STK32A: variants seen among roughly 807,000 people sequenced by gnomAD.
STK32A encodes the protein serine/threonine-protein kinase 32A.
A neutral mutation model predicts 53.2 loss-of-function variants in STK32A; 41 were observed. That is an observed-to-expected ratio of 0.77 (90% CI 0.60 to 1.00). The LOEUF is 1.00. Among genes scored for constraint, STK32A ranks in the 50% least tolerant of loss-of-function variants. STK32A has a pLI of 0.00. For missense variants in STK32A, 458 were observed against 485.8 expected (o/e 0.94, Z 0.54); for synonymous variants, 166 against 162.8 (o/e 1.02, Z -0.15).
chr5:147,337,771 C>T (rs543685893), intron 5 of STK32A, among the ~76,000 whole-genome samples: 2 of 151,950 alleles, frequency 1.3e-5, no homozygotes, highest in Admixed American at 6.6e-5. Flanking sequence ...GAACTATGGG[C>T]AGGAATTGAG....
chr5:147,250,114 G>A (rs1375677524), intron 2 of STK32A, among the ~76,000 whole-genome samples: 1 of 152,028 alleles, frequency 6.6e-6, no homozygotes, highest in Non-Finnish European at 1.5e-5. Context: ...CTAGGTTTTT[G>A]CTTGAGTAGT....
intron 11 of STK32A, among the ~76,000 whole-genome samples, chr5:147,381,665 G>C (rs1206047712): frequency 6.6e-6 from 1 of 151,188 alleles, no homozygotes; most frequent in Admixed American, 6.6e-5. Context: ...AGGAAAGTTT[G>C]ATTATATTAT....
the STK32A span, among the ~76,000 whole-genome samples, chr5:147,398,407 T>C: frequency 6.6e-6 from 1 of 152,200 alleles, no homozygotes; most frequent in Admixed American, 6.5e-5. Context: ...AATTATTTAA[T>C]TTTTCTGTAC....
rs77132085 is a variant in STK32A at position 147,247,948 on chromosome 5, C to T, written c.52+8262C>T. ...ACCAGCCTGACCAACATGGAGAAACCCTGTCTATATTAAAAATACAAAATT... is the reference window on the plus strand; with the variant it reads ...ACCAGCCTGACCAACATGGAGAAACTCTGTCTATATTAAAAATACAAAATT... On this transcript the variant is annotated intron_variant, in intron 2 of 12. Coordinates refer to ENST00000397936, the MANE Select transcript of STK32A (RefSeq NM_001112724.2). 9.9e-5 allele frequency among the ~76,000 whole-genome samples: 15 copies of T among 151,902 alleles called. No individual in the cohort carries two copies. The East Asian group carries it at 2.5e-3, about 26-fold the overall frequency.
chr5:147,332,475 T>C (rs1250156281), intron 5 of STK32A, among the ~76,000 whole-genome samples: 1 of 152,148 alleles, frequency 6.6e-6, no homozygotes, highest in Non-Finnish European at 1.5e-5. Flanking sequence ...ATTTAAAGTC[T>C]AAAAATTATC....
intron 5 of STK32A, among the ~76,000 whole-genome samples, chr5:147,335,910 T>A (rs1347583469): frequency 6.6e-6 from 1 of 152,200 alleles, no homozygotes; most frequent in African/African-American, 2.4e-5. Flanking sequence ...ATTAAGAGAA[T>A]GAAGAATGCG....
At chr5:147,283,763 A>T (rs925581140) in intron 4 of STK32A, among the ~76,000 whole-genome samples, 6 of 152,166 alleles carry the variant, frequency 3.9e-5, no homozygotes, top group African/African-American at 1.4e-4. Flanking sequence ...AATACCCTGA[A>T]CAGATCAATA....
chr5:147,284,666 CA>C (rs71001429), intron 4 of STK32A, among the ~76,000 whole-genome samples: 96,494 of 140,836 alleles, frequency 0.69, 32,206 homozygotes, highest in Admixed American at 0.78. Flanking sequence ...ACAATAGCTG[CA>C]AAAAAAAACA....
At chr5:147,390,654 A>G (rs959804013), downstream of STK32A, among the ~76,000 whole-genome samples, 1 of 152,106 alleles carries the variant, frequency 6.6e-6, no homozygotes, top group Middle Eastern at 3.2e-3. Context: ...TAACAACTCA[A>G]TTTCAAAAAT....
intron 8 of STK32A, among the ~76,000 whole-genome samples, chr5:147,368,358 T>A (rs1031361038): frequency 3.9e-5 from 6 of 152,240 alleles, no homozygotes; most frequent in Non-Finnish European, 7.3e-5. Context: ...ATATGCTCAC[T>A]GTTAGTTTAG....
intron 5 of STK32A, among the ~76,000 whole-genome samples, chr5:147,330,295 A>T (rs1161986521): frequency 6.6e-6 from 1 of 152,204 alleles, no homozygotes; most frequent in African/African-American, 2.4e-5. Flanking sequence ...CTTTAAATTT[A>T]ACAAGGAGAA....
chr5:147,306,130 T>G (rs1230479406), intron 4 of STK32A, among the ~76,000 whole-genome samples: 1 of 152,050 alleles, frequency 6.6e-6, no homozygotes, highest in Non-Finnish European at 1.5e-5. Context: ...TATCAGTTTA[T>G]TTAACTCTGG....
chr5:147,349,723 G>A (rs1024408731), intron 6 of STK32A, among the ~76,000 whole-genome samples: 1 of 152,030 alleles, frequency 6.6e-6, no homozygotes. Flanking sequence ...CTTGGAAAAG[G>A]ACTTAGAGTC....
chr5:147,328,237 G>A (rs1408862206), intron 5 of STK32A, among the ~76,000 whole-genome samples: 1 of 151,896 alleles, frequency 6.6e-6, no homozygotes, highest in African/African-American at 2.4e-5. Flanking sequence ...ATAGAAGGGG[G>A]TCTTTTTAAA....
At chr5:147,309,649 A>T (rs1561709659) in intron 4 of STK32A, among the ~76,000 whole-genome samples, 1 of 152,238 alleles carries the variant, frequency 6.6e-6, no homozygotes, top group Non-Finnish European at 1.5e-5. Flanking sequence ...TCTTGGGGAA[A>T]CTTAAAGAAT....
chr5:147,383,266 C>T (rs1757522827), intron 11 of STK32A, 175 bp from the exon 12 acceptor site: 3 of 630,702 alleles, frequency 4.8e-6, no homozygotes, highest in East Asian at 3.1e-5. Flanking sequence ...CCTGGTGCTT[C>T]CTGTTTTGCC....
intron 1 of STK32A, among the ~76,000 whole-genome samples, chr5:147,236,277 C>G (rs1753314130): frequency 6.6e-6 from 1 of 152,164 alleles, no homozygotes; most frequent in African/African-American, 2.4e-5. Context: ...TGAAAACTCC[C>G]TGTGTCCCTG....
intron 11 of STK32A, among the ~76,000 whole-genome samples, chr5:147,376,536 A>G (rs1757239105): frequency 6.6e-6 from 1 of 152,180 alleles, no homozygotes; most frequent in Non-Finnish European, 1.5e-5. Flanking sequence ...GAAATAACTG[A>G]GCAATTTAGG....
chr5:147,323,999 A>C lies in STK32A; in HGVS notation c.362A>C (p.Glu121Ala). 1 of 1,612,456 alleles carries C rather than the reference A, an allele frequency of 6.2e-7. No homozygotes were observed. The highest frequency in any genetic ancestry group is 1.7e-4 in the Middle Eastern group (1 of 6,060). Residue 121 changes from glutamate (E) to alanine (A), a missense_variant, in exon 5 of 13, where the codon GAA (glutamate) becomes GCA (alanine). Glu to Ala is a moderately radical substitution (Grantham distance 107, BLOSUM62 -1). Transcript: ENST00000397936. ...HLQQNVHFKE[E>A]TVKLFICELV... ...CAACAGAACGTCCACTTCAAGGAAG[A>C]AACAGTGAAGCTCTTCATCTGTGAG... is the stretch of plus-strand genomic sequence containing the variant.
Sources: allele counts gnomAD v4.1 joint callset (sites outside exome capture counted in the v4.1 genomes callset), GRCh38; gene constraint gnomAD v4.1.1; transcripts MANE v1.5; gene names NCBI Gene and HGNC (gene_info 2026-07-23, HGNC 2026-07-21).